Variants in NUBPL observed in about 807,000 individuals in gnomAD.
NUBPL encodes NUBP iron-sulfur cluster assembly factor, mitochondrial.
Under a neutral mutation model 45.7 loss-of-function variants are expected in NUBPL, and 31 were observed. The ratio of observed to expected loss-of-function variants is 0.68; its 90% CI spans 0.51 to 0.92. The LOEUF (loss-of-function observed/expected upper bound fraction) is 0.92. Ranked by LOEUF, NUBPL falls within the 40% of genes least tolerant of loss-of-function variation. The pLI is 0.00. For synonymous variants in NUBPL, 144 were observed against 140.9 expected, an observed-to-expected ratio of 1.02 and a Z score of -0.15; for missense variants, 401 against 398.7, an observed-to-expected ratio of 1.01 and a Z score of -0.05.
At chr14:31,691,376 A>G (rs978095968) in intron 6 of NUBPL, among the ~76,000 whole-genome samples, 1 of 152,234 alleles carries the variant, frequency 6.6e-6, no homozygotes, top group Non-Finnish European at 1.5e-5. Context: ...ATGACTGACT[A>G]TGCTATTGGT....
intron 7 of NUBPL, among the ~76,000 whole-genome samples, chr14:31,790,687 T>A (rs2039364921): frequency 6.6e-6 from 1 of 151,332 alleles, no homozygotes; most frequent in Admixed American, 6.6e-5. Flanking sequence ...CCATCTCTAC[T>A]AAAAATGCAA....
At chr14:31,840,856 C>T (rs964318293) in intron 8 of NUBPL, among the ~76,000 whole-genome samples, 2 of 152,118 alleles carry the variant, frequency 1.3e-5, no homozygotes, top group Non-Finnish European at 2.9e-5. Context: ...CCTGTGCCAC[C>T]TTCTAGTCAC....
chr14:31,717,513 T>A (rs2037715987), intron 6 of NUBPL, among the ~76,000 whole-genome samples: 1 of 152,192 alleles, frequency 6.6e-6, no homozygotes, highest in Non-Finnish European at 1.5e-5. Context: ...TAGACCCACA[T>A]TTTCCCCTAT....
chr14:31,581,417 C>G (rs1347259910), intron 3 of NUBPL, among the ~76,000 whole-genome samples: 1 of 152,062 alleles, frequency 6.6e-6, no homozygotes, highest in Non-Finnish European at 1.5e-5. Flanking sequence ...CCCCTAGTAA[C>G]CACTAATCTA....
At chr14:31,807,668 T>C (rs572744162) in intron 7 of NUBPL, among the ~76,000 whole-genome samples, 2 of 152,320 alleles carry the variant, frequency 1.3e-5, no homozygotes, top group African/African-American at 4.8e-5. Context: ...TGCCATTGCT[T>C]TTGGTGTTTT....
At chr14:31,646,925 T>C (rs2035870874) in intron 4 of NUBPL, among the ~76,000 whole-genome samples, 1 of 152,210 alleles carries the variant, frequency 6.6e-6, no homozygotes, top group African/African-American at 2.4e-5. Context: ...CTTTGTGTGT[T>C]TTCAAATAGT....
At chr14:31,709,183 T>C (rs965309295) in intron 6 of NUBPL, among the ~76,000 whole-genome samples, 3 of 152,198 alleles carry the variant, frequency 2.0e-5, no homozygotes, top group Non-Finnish European at 4.4e-5. Context: ...CTGTGGCTGA[T>C]TGGGTAATAA....
chr14:31,639,368 A>G lies in NUBPL; in HGVS notation c.383-33987A>G, dbSNP rs547237448. Reference sequence around the variant, plus strand: ...TCCACTCCAGACTCTGTTTGCCTGGATATCAGCAGCGGTGGCTGCAGAACA... The same window carrying G: ...TCCACTCCAGACTCTGTTTGCCTGGGTATCAGCAGCGGTGGCTGCAGAACA... On this transcript the variant is annotated intron_variant, in intron 4 of 10. Transcript: ENST00000281081. Among the ~76,000 whole-genome samples, 312 of 152,228 alleles carry G rather than the reference A, an allele frequency of 2.0e-3. 1 individual carries two copies. The highest frequency in any genetic ancestry group is 6.9e-3 in the African/African-American group (288 of 41,534).
chr14:31,646,088 A>G (rs1452257266), intron 4 of NUBPL, among the ~76,000 whole-genome samples: 1 of 150,218 alleles, frequency 6.7e-6, no homozygotes, highest in Non-Finnish European at 1.5e-5. Flanking sequence ...GAATTCTCTC[A>G]TTCTTTGTCT....
At chr14:31,720,986 A>C (rs1190978928) in intron 6 of NUBPL, among the ~76,000 whole-genome samples, 1 of 152,190 alleles carries the variant, frequency 6.6e-6, no homozygotes, top group Non-Finnish European at 1.5e-5. Flanking sequence ...TTTTCTTTTT[A>C]TCACTAGCAC....
chr14:31,632,841 A>C (rs760260517), intron 4 of NUBPL, among the ~76,000 whole-genome samples: 20 of 152,234 alleles, frequency 1.3e-4, no homozygotes, highest in Non-Finnish European at 2.9e-4. Flanking sequence ...AAAAGTATCC[A>C]TAGGGAAAGA....
At chr14:31,653,641 G>C in intron 4 of NUBPL, among the ~76,000 whole-genome samples, 1 of 152,194 alleles carries the variant, frequency 6.6e-6, no homozygotes, top group East Asian at 1.9e-4. Flanking sequence ...TTGTTCAAAC[G>C]CACATGTTTT....
At chr14:31,813,218 A>G (rs1480736088) in intron 7 of NUBPL, among the ~76,000 whole-genome samples, 1 of 151,760 alleles carries the variant, frequency 6.6e-6, no homozygotes, top group Non-Finnish European at 1.5e-5. Context: ...CAATCTCCTG[A>G]CCTCATGATC....
At chr14:31,838,279 C>CAAAAAAAAAAAAAAAAAAAAAAAA (rs748313330) in intron 8 of NUBPL, among the ~76,000 whole-genome samples, 1 of 60,268 alleles carries the variant, frequency 1.7e-5, no homozygotes, top group Non-Finnish European at 3.7e-5. Flanking sequence ...TAATATCCAG[C>CAAAAAAAAAAAAAAAAAAAAAAAA]AAAAAAAAAA....
intron 4 of NUBPL, chr14:31,653,995 A>T (rs976064073): frequency 2.4e-6 from 1 of 414,794 alleles, no homozygotes; most frequent in African/African-American, 2.0e-5. Context: ...TTTGTATTTC[A>T]TGGGGGAAGA....
intron 4 of NUBPL, among the ~76,000 whole-genome samples, chr14:31,641,883 G>A (rs936802243): frequency 3.9e-5 from 6 of 152,168 alleles, no homozygotes; most frequent in African/African-American, 1.4e-4. Context: ...TTAACTGGCC[G>A]TTTTATACTG....
At position 31,859,922 on chromosome 14, in the gene NUBPL, C is replaced by T. The variant is rs760265792; in HGVS notation, c.*742C>T. 6.6e-6 allele frequency: 1 copy of T among 152,372 alleles called. No homozygotes were observed. 9.4% of individuals were successfully genotyped at this position (152,372 alleles called of 1,614,324 possible). On this transcript the variant is annotated 3_prime_UTR_variant, in exon 11 of 11. Coordinates refer to ENST00000281081, the MANE Select transcript of NUBPL (RefSeq NM_025152.3). ...AGTGTCTTGCTGAGGGTTACTGTATCTAGCAGGTGATGGAGCTTGGATTTG... is the reference window on the plus strand; with the variant it reads ...AGTGTCTTGCTGAGGGTTACTGTATTTAGCAGGTGATGGAGCTTGGATTTG...
rs567253658 is a variant in NUBPL at position 31,759,354 on chromosome 14, T to C, written c.514-28426T>C. On this transcript the variant is annotated intron_variant, in intron 6 of 10. Transcript: ENST00000281081. ...TGGAATTACCTTTATAATGAGTCAGTTACATATATGCCGCATATAGTCGTA... is the reference window on the plus strand; with the variant it reads ...TGGAATTACCTTTATAATGAGTCAGCTACATATATGCCGCATATAGTCGTA... Among the ~76,000 whole-genome samples, 18 of 152,220 alleles carry C rather than the reference T, an allele frequency of 1.2e-4. No individual in the cohort carries two copies. In the East Asian group the frequency reaches 2.1e-3, roughly 18 times the overall value.
At chr14:31,721,766 C>G (rs1226568419) in intron 6 of NUBPL, among the ~76,000 whole-genome samples, 1 of 152,058 alleles carries the variant, frequency 6.6e-6, no homozygotes, top group Non-Finnish European at 1.5e-5. Context: ...TCCCTCCCCC[C>G]ATTCTCCACC....
Sources: allele counts gnomAD v4.1 joint callset (sites outside exome capture counted in the v4.1 genomes callset), GRCh38; gene constraint gnomAD v4.1.1; transcripts MANE v1.5; gene names NCBI Gene and HGNC (gene_info 2026-07-23, HGNC 2026-07-21).